The following ZFYVE9 variants were observed in gnomAD, a reference collection of about 807,000 sequenced individuals.
ZFYVE9 encodes the protein zinc finger FYVE domain-containing protein 9.
A neutral mutation model predicts 126.7 loss-of-function variants in ZFYVE9; 43 were observed. The observed-to-expected ratio is 0.34, with a 90% CI of 0.27 to 0.44. The LOEUF is 0.44. Among genes scored for constraint, ZFYVE9 ranks in the 20% least tolerant of loss-of-function variants. The pLI, the probability that ZFYVE9 is intolerant of heterozygous loss-of-function variation, is 1.00. For missense variants in ZFYVE9, 1,476 were observed against 1,697.0 expected (o/e 0.87, Z 2.29); for synonymous variants, 521 against 597.4 (o/e 0.87, Z 1.87).
chr1:52,234,117 A>G (rs572022917), intron 3 of ZFYVE9, among the ~76,000 whole-genome samples: 1 of 152,192 alleles, frequency 6.6e-6, no homozygotes, highest in Non-Finnish European at 1.5e-5. Flanking sequence ...TTTTCTCTAA[A>G]TTTCCATCTT....
chr1:52,285,874 G>C (rs1212005909), intron 10 of ZFYVE9, among the ~76,000 whole-genome samples: 1 of 152,144 alleles, frequency 6.6e-6, no homozygotes, highest in Non-Finnish European at 1.5e-5. Flanking sequence ...ATGATAGCAG[G>C]CTGGGCACGG....
chr1:52,168,514 G>A lies in ZFYVE9; in HGVS notation c.-143+26111G>A, dbSNP rs1644534797. On this transcript the variant is annotated intron_variant, in intron 1 of 18. Coordinates refer to ENST00000287727, the MANE Select transcript of ZFYVE9 (RefSeq NM_004799.4). The stretch of plus-strand genomic sequence containing the variant: ...TTACAGGCGTGAGCCACTGTGCTTG[G>A]CCTTTTTTTTTTTTTTTAAAAGCAA... Among the ~76,000 whole-genome samples the A allele has an allele frequency of 2.7e-5, 4 of 146,906 alleles. No homozygotes were observed. In the South Asian group the frequency reaches 8.8e-4, roughly 32 times the overall value.
intron 1 of ZFYVE9, among the ~76,000 whole-genome samples, chr1:52,182,788 A>G (rs569423643): frequency 6.6e-6 from 1 of 151,978 alleles, no homozygotes; most frequent in East Asian, 1.9e-4. Context: ...ATATTTTGGA[A>G]CTCTTTTTTA....
At chr1:52,186,020 C>G (rs1205171124) in intron 1 of ZFYVE9, among the ~76,000 whole-genome samples, 1 of 149,866 alleles carries the variant, frequency 6.7e-6, no homozygotes, top group African/African-American at 2.5e-5. Flanking sequence ...ACGGGTGGAT[C>G]ACTTGAGGTC....
At chr1:52,249,398 T>A (rs2124644129) in intron 4 of ZFYVE9, among the ~76,000 whole-genome samples, 1 of 152,360 alleles carries the variant, frequency 6.6e-6, no homozygotes, top group East Asian at 1.9e-4. Flanking sequence ...TGGTTAGTGA[T>A]GTTGAGCCTC....
intron 2 of ZFYVE9, among the ~76,000 whole-genome samples, chr1:52,218,905 C>G (rs905989309): frequency 1.3e-5 from 2 of 152,076 alleles, no homozygotes; most frequent in Non-Finnish European, 2.9e-5. Flanking sequence ...TAAAGGTGCT[C>G]TAAAGTGGGG....
chr1:52,309,961 C>CAT (rs1206201925), intron 13 of ZFYVE9, among the ~76,000 whole-genome samples: 1 of 152,164 alleles, frequency 6.6e-6, no homozygotes, highest in East Asian at 1.9e-4. Context: ...TCACCTGGTT[C>CAT]ATATATATAT....
chr1:52,263,559 A>G (rs1315766170), intron 4 of ZFYVE9, among the ~76,000 whole-genome samples: 1 of 152,134 alleles, frequency 6.6e-6, no homozygotes, highest in East Asian at 1.9e-4. Context: ...TTTTATTTTC[A>G]GCCAATGTTT....
At chr1:52,178,581 G>A (rs914890031) in intron 1 of ZFYVE9, among the ~76,000 whole-genome samples, 16 of 151,846 alleles carry the variant, frequency 1.1e-4, no homozygotes, top group African/African-American at 2.9e-4. Context: ...CACCTGCCTC[G>A]GCCTACCAAA....
At chr1:52,282,395 A>G (rs979056638) in intron 10 of ZFYVE9, among the ~76,000 whole-genome samples, 2 of 152,202 alleles carry the variant, frequency 1.3e-5, no homozygotes, top group Admixed American at 6.6e-5. Flanking sequence ...ATTTGACATT[A>G]CAAAGTCAGC....
At chr1:52,266,870 G>A (rs955525126) in intron 6 of ZFYVE9, 39 bp downstream of exon 6, 22 of 1,503,958 alleles carry the variant, frequency 1.5e-5, no homozygotes, top group East Asian at 2.4e-5. Context: ...TTTTCCTCAC[G>A]AAGTTCCTCT....
chr1:52,230,835 T>TTA (rs1271177025), intron 2 of ZFYVE9, among the ~76,000 whole-genome samples: 2 of 152,242 alleles, frequency 1.3e-5, no homozygotes, highest in African/African-American at 4.8e-5. Flanking sequence ...ATCTGACAGG[T>TTA]TAATCACTTG....
intron 9 of ZFYVE9, among the ~76,000 whole-genome samples, chr1:52,280,817 CAT>C (rs1378917986): frequency 6.6e-6 from 1 of 152,078 alleles, no homozygotes; most frequent in Non-Finnish European, 1.5e-5. Context: ...ATCTCTTGGT[CAT>C]ATATTAAATT....
chr1:52,337,660 T>G, intron 15 of ZFYVE9, 112 bp from the exon 16 acceptor site: 1 of 1,231,614 alleles, frequency 8.1e-7, no homozygotes, highest in African/African-American at 1.5e-5. Flanking sequence ...AACCTCTGTA[T>G]CAGTCAGCTT....
intron 1 of ZFYVE9, among the ~76,000 whole-genome samples, chr1:52,198,894 C>T (rs771888281): frequency 3.9e-5 from 6 of 152,100 alleles, no homozygotes; most frequent in Non-Finnish European, 8.8e-5. Context: ...CATTATCACC[C>T]AAAGATTATT....
chr1:52,217,791 G>T (rs1207694587), intron 2 of ZFYVE9, among the ~76,000 whole-genome samples: 1 of 152,174 alleles, frequency 6.6e-6, no homozygotes, highest in Non-Finnish European at 1.5e-5. Flanking sequence ...CCCATCAGGG[G>T]CTGTATTATT....
chr1:52,289,027 A>G (rs1645892395), intron 10 of ZFYVE9, among the ~76,000 whole-genome samples: 1 of 152,104 alleles, frequency 6.6e-6, no homozygotes, highest in African/African-American at 2.4e-5. Context: ...GTGAGGATTA[A>G]TAAATATACT....
At chr1:52,244,161 A>T (rs1429073121) in intron 4 of ZFYVE9, among the ~76,000 whole-genome samples, 1 of 152,204 alleles carries the variant, frequency 6.6e-6, no homozygotes, top group Non-Finnish European at 1.5e-5. Flanking sequence ...TGAAAGTGGA[A>T]TATGAAGGGA....
chr1:52,169,657 G>A (rs1269790432), intron 1 of ZFYVE9, among the ~76,000 whole-genome samples: 2 of 152,158 alleles, frequency 1.3e-5, no homozygotes, highest in Non-Finnish European at 2.9e-5. Flanking sequence ...ATTTTAAAAT[G>A]TTATAATAAT....
Sources: gnomAD v4.1 joint callset for allele counts (sites outside exome capture counted in the v4.1 genomes callset) on GRCh38, gnomAD v4.1.1 for gene constraint, MANE v1.5 for transcripts, NCBI Gene and HGNC (gene_info 2026-07-23, HGNC 2026-07-21) for gene names.